Variants in HYCC2 observed in about 807,000 individuals in gnomAD.
HYCC2 encodes hyccin 2.
At chr2:201,066,315 C>G in the HYCC2 span, among the ~76,000 whole-genome samples, 2 of 152,202 alleles carry the variant, frequency 1.3e-5, no homozygotes, top group East Asian at 3.8e-4. Context: ...CTCAAGTGAT[C>G]TGCTCACCTC....
chr2:201,039,609 TC>T, the HYCC2 span, among the ~76,000 whole-genome samples: 1 of 152,192 alleles, frequency 6.6e-6, no homozygotes, highest in African/African-American at 2.4e-5. Flanking sequence ...AGATAATTGT[TC>T]ATTTCAAAGC....
the HYCC2 span, chr2:201,011,477 A>T: frequency 6.6e-7 from 1 of 1,513,720 alleles, no homozygotes; most frequent in South Asian, 1.3e-5. Context: ...GATTTCCTAT[A>T]GTCAAAAAAT....
chr2:201,056,867 A>G, the HYCC2 span, among the ~76,000 whole-genome samples: 2 of 152,138 alleles, frequency 1.3e-5, no homozygotes, highest in African/African-American at 4.8e-5. Flanking sequence ...CCTTGGCACT[A>G]TTGGCATTTT....
the HYCC2 span, among the ~76,000 whole-genome samples, chr2:201,008,546 A>T: frequency 6.6e-6 from 1 of 152,092 alleles, no homozygotes; most frequent in Non-Finnish European, 1.5e-5. Context: ...GATCACGTTG[A>T]GGCCAGGAGA....
At chr2:200,997,652 T>C in the HYCC2 span, 111 of 654,064 alleles carry the variant, frequency 1.7e-4, no homozygotes, top group African/African-American at 1.8e-3. Flanking sequence ...CAAATCAATA[T>C]AGCATCTTCC....
chr2:201,017,284 T>A, the HYCC2 span: 1 of 777,084 alleles, frequency 1.3e-6, no homozygotes, highest in Non-Finnish European at 1.9e-6. Flanking sequence ...TTAATATTAA[T>A]TTCTCCACAT....
the HYCC2 span, among the ~76,000 whole-genome samples, chr2:201,000,126 C>T: frequency 6.7e-6 from 1 of 149,044 alleles, no homozygotes; most frequent in Non-Finnish European, 1.5e-5. Context: ...AATCCCAGCA[C>T]TTTGGGAGGC....
At chr2:201,019,376 T>G in the HYCC2 span, among the ~76,000 whole-genome samples, 1 of 152,140 alleles carries the variant, frequency 6.6e-6, no homozygotes, top group Non-Finnish European at 1.5e-5. Flanking sequence ...GCATTATTAC[T>G]CTGTGTTTTT....
At chr2:201,035,383 G>A in the HYCC2 span, among the ~76,000 whole-genome samples, 2 of 152,036 alleles carry the variant, frequency 1.3e-5, no homozygotes, top group East Asian at 1.9e-4. Flanking sequence ...CTTTCTTCCA[G>A]TTGATTGAAT....
chr2:201,007,925 G>C, the HYCC2 span, among the ~76,000 whole-genome samples: 1 of 152,168 alleles, frequency 6.6e-6, no homozygotes, highest in Non-Finnish European at 1.5e-5. Flanking sequence ...ATGCCAGGAG[G>C]GTAATGTATC....
chr2:200,990,712 C>T, the HYCC2 span, among the ~76,000 whole-genome samples: 1 of 152,148 alleles, frequency 6.6e-6, no homozygotes, highest in Non-Finnish European at 1.5e-5. Context: ...GCTGGGATTA[C>T]AGGCGCCCGC....
At chr2:201,060,865 G>GA in the HYCC2 span, among the ~76,000 whole-genome samples, 1 of 151,986 alleles carries the variant, frequency 6.6e-6, no homozygotes, top group East Asian at 1.9e-4. Flanking sequence ...AAGCAAGACT[G>GA]AAAAAAGAGA....
chr2:201,042,902 C>T, the HYCC2 span, among the ~76,000 whole-genome samples: 1 of 152,038 alleles, frequency 6.6e-6, no homozygotes, highest in Non-Finnish European at 1.5e-5. Context: ...TGAGGAGCCC[C>T]TCTGCCCGGC....
the HYCC2 span, among the ~76,000 whole-genome samples, chr2:201,060,911 T>G: frequency 6.6e-6 from 1 of 152,164 alleles, no homozygotes; most frequent in African/African-American, 2.4e-5. Context: ...TGGATGGATG[T>G]TTAGAGTACT....
the HYCC2 span, among the ~76,000 whole-genome samples, chr2:200,999,617 T>C: frequency 6.7e-6 from 1 of 150,008 alleles, no homozygotes; most frequent in South Asian, 2.1e-4. Flanking sequence ...CTCGAACTCC[T>C]GACCTCAGGT....
the HYCC2 span, among the ~76,000 whole-genome samples, chr2:201,060,004 A>G: frequency 7.6e-6 from 1 of 130,746 alleles, no homozygotes; most frequent in Non-Finnish European, 1.6e-5. Flanking sequence ...AGATTGCGCC[A>G]CTGCTCTCCA....
At chr2:201,029,101 G>A in the HYCC2 span, among the ~76,000 whole-genome samples, 11 of 152,094 alleles carry the variant, frequency 7.2e-5, no homozygotes, top group Non-Finnish European at 1.5e-4. Flanking sequence ...AACTTAAACA[G>A]ATTTACAAGA....
the HYCC2 span, among the ~76,000 whole-genome samples, chr2:201,018,297 A>T: frequency 6.6e-6 from 1 of 152,158 alleles, no homozygotes; most frequent in Admixed American, 6.5e-5. Context: ...TTTAAAATTC[A>T]TATAAAATAT....
chr2:201,062,947 T>C, the HYCC2 span: 1 of 1,010,612 alleles, frequency 9.9e-7, no homozygotes, highest in South Asian at 1.5e-5. Context: ...CCTGAACAAC[T>C]ACTACTGCTG....
Sources: allele counts gnomAD v4.1 joint callset (sites outside exome capture counted in the v4.1 genomes callset), GRCh38; gene constraint gnomAD v4.1.1; transcripts MANE v1.5; gene names NCBI Gene and HGNC (gene_info 2026-07-23, HGNC 2026-07-21).